The following MAP3K19 variants were observed in gnomAD, a reference collection of about 807,000 sequenced individuals.
MAP3K19 encodes SPS1/STE20-related protein kinase YSK4.
A neutral mutation model predicts 114.4 loss-of-function variants in MAP3K19; 91 were observed. That is an observed-to-expected ratio of 0.80 (90% CI 0.67 to 0.95). The LOEUF (loss-of-function observed/expected upper bound fraction) is 0.95, where lower values mean the gene tolerates loss of function less well. Among genes scored for constraint, MAP3K19 ranks in the 40% least tolerant of loss-of-function variants. The pLI is 0.00. For synonymous variants in MAP3K19, 518 were observed against 530.5 expected, an observed-to-expected ratio of 0.98 and a Z score of 0.32; for missense variants, 1,471 against 1,573.2, an observed-to-expected ratio of 0.94 and a Z score of 1.10.
At chr2:135,003,711 C>T (rs1686613298) in intron 6 of MAP3K19, among the ~76,000 whole-genome samples, 1 of 151,778 alleles carries the variant, frequency 6.6e-6, no homozygotes, top group African/African-American at 2.4e-5. Flanking sequence ...CGCACCACCA[C>T]ACCCGGCTAA....
intron 5 of MAP3K19, among the ~76,000 whole-genome samples, chr2:135,020,155 T>C (rs1687872278): frequency 6.6e-6 from 1 of 152,034 alleles, no homozygotes; most frequent in South Asian, 2.1e-4. Flanking sequence ...GTAGCTGGGA[T>C]TACAGGTGCC....
At chr2:134,984,294 CAT>C in intron 10 of MAP3K19, among the ~76,000 whole-genome samples, 1 of 152,252 alleles carries the variant, frequency 6.6e-6, no homozygotes, top group Admixed American at 6.5e-5. Flanking sequence ...TGGACACACA[CAT>C]AGAGACACAC....
rs1260181408 is a variant in MAP3K19, at chr2:134,986,587, A to AT, written c.2284dup (p.Ile762AsnfsTer14). The AT allele has an allele frequency of 6.2e-7, 1 of 1,614,214 alleles. No individual in the cohort carries two copies. Among genetic ancestry groups the AT allele is most frequent in the Non-Finnish European group, 8.5e-7 (1 of 1,180,034 alleles). On this transcript the variant is annotated frameshift_variant, in exon 10 of 13. Coordinates refer to ENST00000392915, the MANE Select transcript of MAP3K19 (RefSeq NM_025052.5). LOFTEE classifies it high-confidence loss of function. ...CTTTATCTGCCAGTCTGGTTCTGAAATACCATCACCATTTTCAATGTCATG... is the reference window on the plus strand; with the variant it reads ...CTTTATCTGCCAGTCTGGTTCTGAAATTACCATCACCATTTTCAATGTCATG...
intron 12 of MAP3K19, among the ~76,000 whole-genome samples, chr2:134,976,332 A>G (rs983822656): frequency 9.2e-5 from 14 of 152,218 alleles, no homozygotes; most frequent in African/African-American, 3.4e-4. Flanking sequence ...CAAGGACTAA[A>G]GGGTTCTCCC....
In MAP3K19 at chr2:134,964,958, A is replaced by T. The variant is rs146874064; in HGVS notation, c.3921-42T>A. ...ACATTAGAAGCAGCAGCACTCAGTA[A>T]TGAGACTGCCAATGTAGATCTACTT... On this transcript the variant is annotated intron_variant, in intron 12 of 12. Coordinates refer to ENST00000392915, the MANE Select transcript of MAP3K19 (RefSeq NM_025052.5). 49 of 1,397,546 alleles carry T rather than the reference A, an allele frequency of 3.5e-5. 2 individuals carry two copies. Among genetic ancestry groups the T allele is most frequent in the South Asian group, 2.5e-4 (21 of 84,108 alleles). 86.6% of individuals were successfully genotyped at this position (1,397,546 alleles called of 1,614,324 possible).
chr2:134,972,497 C>A (rs1232066867), intron 12 of MAP3K19, among the ~76,000 whole-genome samples: 8 of 151,990 alleles, frequency 5.3e-5, no homozygotes, highest in Admixed American at 5.2e-4. Flanking sequence ...TTTAAAAGGT[C>A]ACCCCATCTG....
chr2:135,027,397 A>AAAGG (rs1688283302), intron 3 of MAP3K19, among the ~76,000 whole-genome samples: 1 of 134,890 alleles, frequency 7.4e-6, no homozygotes, highest in Non-Finnish European at 1.5e-5. Flanking sequence ...AGAAAGAAAG[A>AAAGG]AAAGAAAGAA....
rs1309243495 is a variant in MAP3K19 at position 134,987,419 on chromosome 2, T to A, written c.1453A>T (p.Ile485Phe). 4 of 1,614,216 alleles carry A rather than the reference T, an allele frequency of 2.5e-6. No homozygotes were observed. In the South Asian group the frequency reaches 4.4e-5, roughly 18 times the overall value. ...CCATCCACAGGGAAGGTGATGTGGATAAGAGGCACCATCCTACTCATTTCT... is the reference window on the plus strand; with the variant it reads ...CCATCCACAGGGAAGGTGATGTGGAAAAGAGGCACCATCCTACTCATTTCT... ...KPEMSRMVPL[I>F]HITFPVDGSP... Residue 485 changes from isoleucine to phenylalanine, a missense_variant, in exon 10 of 13, where the codon ATC (isoleucine) becomes TTC (phenylalanine). Ile to Phe is a conservative substitution (Grantham distance 21). Coordinates refer to ENST00000392915, the MANE Select transcript of MAP3K19 (RefSeq NM_025052.5).
At chr2:135,039,455 G>A (rs1208187432) in intron 2 of MAP3K19, among the ~76,000 whole-genome samples, 1 of 151,912 alleles carries the variant, frequency 6.6e-6, no homozygotes, top group Non-Finnish European at 1.5e-5. Flanking sequence ...GGTGGTATGC[G>A]TCTGTAATTT....
At chr2:135,008,623 C>T (rs1002595960) in intron 5 of MAP3K19, among the ~76,000 whole-genome samples, 6 of 152,078 alleles carry the variant, frequency 3.9e-5, no homozygotes, top group African/African-American at 1.4e-4. Flanking sequence ...TTTTTTTGTA[C>T]ACACATTGCC....
chr2:135,017,220 G>A (rs551402120), intron 5 of MAP3K19, among the ~76,000 whole-genome samples: 4 of 152,270 alleles, frequency 2.6e-5, no homozygotes, highest in South Asian at 2.1e-4. Flanking sequence ...GGTGGGCTTC[G>A]CTGGGTTAAT....
Position 134,983,793 on chromosome 2 carries a change from C to T in MAP3K19, c.3105G>A (p.Arg1035=). ...RHSSGLRIYD[R]EEKFLISNEK... The stretch of plus-strand genomic sequence containing the variant: ...CATTTGAGATGAGAAATTTCTCCTC[C>T]CTGTCATATATCCTGAGCCCACTAC... Residue 1035 remains arginine (R), a synonymous_variant, in exon 11 of 13, where the codon AGG becomes AGA. Transcript: ENST00000392915. 8 of 1,603,472 alleles carry T rather than the reference C, an allele frequency of 5.0e-6. No individual in the cohort carries two copies. The highest frequency in any genetic ancestry group is 6.8e-6 in the Non-Finnish European group (8 of 1,175,484).
intron 4 of MAP3K19, 21 bp from the exon 5 acceptor site, chr2:135,021,851 G>A: frequency 7.0e-7 from 1 of 1,434,818 alleles, no homozygotes; most frequent in Non-Finnish European, 9.7e-7. Flanking sequence ...AAACATAATA[G>A]TATGTTTTGA....
At position 134,985,344 on chromosome 2, in the gene MAP3K19, T is replaced by C. The variant is rs574221169; in HGVS notation, c.3072+456A>G. On this transcript the variant is annotated intron_variant, in intron 10 of 12. Transcript: ENST00000392915. ...AGAGCAAATGCTCAGGTGTAGGGGC[T>C]CTGAGAAATGTACATTTCATGTCTT... is the stretch of plus-strand genomic sequence containing the variant. 2.0e-5 allele frequency among the ~76,000 whole-genome samples: 3 copies of C among 152,288 alleles called. No homozygotes were observed. In the East Asian group the frequency reaches 5.8e-4, roughly 29 times the overall value.
chr2:135,025,498 G>A (rs1688225963), intron 3 of MAP3K19, among the ~76,000 whole-genome samples: 1 of 146,802 alleles, frequency 6.8e-6, no homozygotes, highest in South Asian at 2.1e-4. Flanking sequence ...CCATTCTCCT[G>A]CCTCAGCCTC....
At chr2:134,998,125 G>T (rs147238142) in intron 8 of MAP3K19, among the ~76,000 whole-genome samples, 1 of 152,156 alleles carries the variant, frequency 6.6e-6, no homozygotes, top group Non-Finnish European at 1.5e-5. Context: ...GCTCAATGTA[G>T]TTGGAAGTTG....
At position 135,013,563 on chromosome 2, in the gene MAP3K19, C is replaced by T. The variant is rs375046454; in HGVS notation, c.139-8032G>A. ...AGAGTAGTTTCAGTGCCCTAAAAAT[C>T]TTCTTTGCTCTGCCTATTCATCCTT... On this transcript the variant is annotated intron_variant, in intron 5 of 12. Transcript: ENST00000392915. Among the ~76,000 whole-genome samples the T allele has an allele frequency of 2.2e-4, 33 of 152,222 alleles. No homozygotes were observed. In the South Asian group the frequency reaches 5.8e-3, roughly 27 times the overall value.
chr2:134,971,115 T>G (rs1415580191), intron 12 of MAP3K19, among the ~76,000 whole-genome samples: 1 of 152,232 alleles, frequency 6.6e-6, no homozygotes, highest in East Asian at 1.9e-4. Flanking sequence ...TGTTGATAGT[T>G]TTTATCACAA....
intron 9 of MAP3K19, 150 bp downstream of exon 9, chr2:134,991,387 G>A (rs1685564161): frequency 1.4e-6 from 1 of 697,468 alleles, no homozygotes; most frequent in Non-Finnish European, 2.6e-6. Context: ...AAGCTTATGT[G>A]TGGATTTTTG....
Sources: gnomAD v4.1 joint callset for allele counts (sites outside exome capture counted in the v4.1 genomes callset) on GRCh38, gnomAD v4.1.1 for gene constraint, MANE v1.5 for transcripts, NCBI Gene and HGNC (gene_info 2026-07-23, HGNC 2026-07-21) for gene names.